The following ARFGEF3 variants were observed in gnomAD, a reference collection of about 807,000 sequenced individuals.
ARFGEF3 encodes brefeldin A-inhibited guanine nucleotide-exchange protein 3.
Under a neutral mutation model 221.7 loss-of-function variants are expected in ARFGEF3, and 96 were observed. The observed-to-expected ratio is 0.43, with a 90% CI of 0.37 to 0.51. The LOEUF (loss-of-function observed/expected upper bound fraction) is 0.51, where lower values mean the gene tolerates loss of function less well. Among genes scored for constraint, ARFGEF3 ranks in the 20% least tolerant of loss-of-function variants. The pLI, the probability that ARFGEF3 is intolerant of heterozygous loss-of-function variation, is 0.00. For synonymous variants in ARFGEF3, 1,145 were observed against 1,126.8 expected, an observed-to-expected ratio of 1.02 and a Z score of -0.32; for missense variants, 2,410 against 2,789.9, an observed-to-expected ratio of 0.86 and a Z score of 3.07.
chr6:138,246,446 C>T (rs574261542), intron 8 of ARFGEF3, among the ~76,000 whole-genome samples: 1 of 152,332 alleles, frequency 6.6e-6, no homozygotes, highest in South Asian at 2.1e-4. Flanking sequence ...AGAATGAGGA[C>T]TCTCACTTTG....
intron 4 of ARFGEF3, among the ~76,000 whole-genome samples, chr6:138,223,668 T>C (rs901322238): frequency 6.6e-6 from 1 of 152,184 alleles, no homozygotes; most frequent in African/African-American, 2.4e-5. Context: ...TAGGGGTAGG[T>C]TGACTCCCCA....
intron 2 of ARFGEF3, among the ~76,000 whole-genome samples, chr6:138,178,157 G>T (rs1776992797): frequency 6.6e-6 from 1 of 152,180 alleles, no homozygotes; most frequent in South Asian, 2.1e-4. Flanking sequence ...CTATGATGTT[G>T]GTCGGCTAGG....
chr6:138,322,391 G>T (rs113787482), intron 29 of ARFGEF3, among the ~76,000 whole-genome samples: 6,246 of 152,088 alleles, frequency 0.041, 369 homozygotes, highest in African/African-American at 0.14. Flanking sequence ...TACCTCTCAC[G>T]GGGTCCCTCC....
At chr6:138,309,457 G>C (rs1470638184) in intron 24 of ARFGEF3, among the ~76,000 whole-genome samples, 1 of 152,158 alleles carries the variant, frequency 6.6e-6, no homozygotes, top group Non-Finnish European at 1.5e-5. Context: ...AATTAAGCCT[G>C]GGGTAGGAGG....
intron 10 of ARFGEF3, among the ~76,000 whole-genome samples, chr6:138,260,215 G>A (rs1562370754): frequency 1.3e-5 from 2 of 152,172 alleles, no homozygotes; most frequent in Non-Finnish European, 2.9e-5. Flanking sequence ...CTTCGTTTAT[G>A]TTCCTTCCAG....
intron 17 of ARFGEF3, 47 bp from the exon 18 acceptor site, chr6:138,289,771 T>A (rs1779365051): frequency 1.3e-6 from 2 of 1,572,660 alleles, no homozygotes; most frequent in Non-Finnish European, 1.7e-6. Flanking sequence ...ATTCTTTCTG[T>A]CTCCCTTACT....
chr6:138,209,939 C>T lies in ARFGEF3; in HGVS notation c.249C>T (p.Ser83=). 1.2e-6 allele frequency: 2 copies of T among 1,613,718 alleles called. No individual in the cohort carries two copies. Among genetic ancestry groups the T allele is most frequent in the Non-Finnish European group, 1.7e-6 (2 of 1,179,738 alleles). The part of the protein sequence containing the change: ...QKLLSEERFV[S]METDSDEKQL... ...TTCTGTCGGAAGAGAGGTTTGTATC[C>T]ATGGAAACAGATTCTGATGAGAAGC... The change falls in exon 4 of 34, where the codon TCC becomes TCT. Residue 83 remains serine, a synonymous_variant. Transcript: ENST00000251691.
At chr6:138,164,301 C>T (rs1776678140) in intron 1 of ARFGEF3, among the ~76,000 whole-genome samples, 1 of 152,204 alleles carries the variant, frequency 6.6e-6, no homozygotes, top group Non-Finnish European at 1.5e-5. Context: ...CTGTTCTTGT[C>T]ACTCCCCAAC....
intron 4 of ARFGEF3, among the ~76,000 whole-genome samples, chr6:138,225,115 G>A (rs1778058479): frequency 6.6e-6 from 1 of 152,108 alleles, no homozygotes; most frequent in Non-Finnish European, 1.5e-5. Flanking sequence ...TCATTGCCAC[G>A]GGAACAACTA....
chr6:138,289,770 G>A, intron 17 of ARFGEF3, 48 bp from the exon 18 acceptor site: 1 of 1,570,500 alleles, frequency 6.4e-7, no homozygotes, highest in Admixed American at 1.8e-5. Context: ...CATTCTTTCT[G>A]TCTCCCTTAC....
Position 138,289,850 on chromosome 6 carries a change from A to T in ARFGEF3, c.2929A>T (p.Ile977Phe), listed in dbSNP as rs750608642. ...KLKVEQKLEQ[I>F]GKVQGVWLHT... Reference sequence around the variant, plus strand: ...AAAAGTGGAGCAGAAACTGGAGCAGATTGGGAAGGTGCAGGGGGTGTGGCT... The same window carrying T: ...AAAAGTGGAGCAGAAACTGGAGCAGTTTGGGAAGGTGCAGGGGGTGTGGCT... Residue 977 changes from isoleucine (I) to phenylalanine (F), a missense_variant, in exon 18 of 34, where the codon ATT becomes TTT. Transcript: ENST00000251691. 9.3e-6 allele frequency: 15 copies of T among 1,613,796 alleles called. No individual in the cohort carries two copies. In the South Asian group the frequency reaches 1.6e-4, roughly 18 times the overall value.
rs1437746676 is a variant in ARFGEF3, at chr6:138,243,009, T to C, written c.586+15T>C. The C allele has an allele frequency of 6.2e-7, 1 of 1,607,544 alleles. No individual in the cohort carries two copies. The highest frequency in any genetic ancestry group is 8.5e-7 in the Non-Finnish European group (1 of 1,175,206). On this transcript the variant is annotated intron_variant, in intron 7 of 33. Coordinates refer to ENST00000251691, the MANE Select transcript of ARFGEF3 (RefSeq NM_020340.5). Reference sequence around the variant, plus strand: ...CGGGAATCAAGGTATGGCATTTGATTTGTACTAGTTCAGTTTTTAAAGCAG... The same window carrying C: ...CGGGAATCAAGGTATGGCATTTGATCTGTACTAGTTCAGTTTTTAAAGCAG...
At chr6:138,264,351 G>T (rs1778847485) in intron 12 of ARFGEF3, among the ~76,000 whole-genome samples, 1 of 152,176 alleles carries the variant, frequency 6.6e-6, no homozygotes, top group Non-Finnish European at 1.5e-5. Context: ...AGATAATACA[G>T]AAAGAAATAA....
chr6:138,259,165 G>T (rs921442658), intron 10 of ARFGEF3, among the ~76,000 whole-genome samples: 1 of 152,210 alleles, frequency 6.6e-6, no homozygotes, highest in African/African-American at 2.4e-5. Flanking sequence ...GTTTGGGAAA[G>T]TTGGTAACCT....
intron 2 of ARFGEF3, among the ~76,000 whole-genome samples, chr6:138,206,354 T>A (rs1777624967): frequency 6.6e-6 from 1 of 151,914 alleles, no homozygotes. Context: ...TTTTTTTTTT[T>A]TTTTGTCTCT....
chr6:138,314,218 G>A (rs1025084940), intron 26 of ARFGEF3, among the ~76,000 whole-genome samples: 2 of 152,158 alleles, frequency 1.3e-5, no homozygotes, highest in Non-Finnish European at 2.9e-5. Flanking sequence ...GGGTGGTGGG[G>A]AGAGGCAGGG....
chr6:138,210,106 T>G lies in ARFGEF3; in HGVS notation c.351+65T>G, dbSNP rs1411612562. 3 of 1,541,248 alleles carry G rather than the reference T, an allele frequency of 1.9e-6. No homozygotes were observed. The African/African-American group carries it at 4.1e-5, about 21-fold the overall frequency. ...GGAACACATCCTGATCCCCTGCACT[T>G]GTTATCTGAAAATGCCTCTGCGTTG... On this transcript the variant is annotated intron_variant, in intron 4 of 33. Coordinates refer to ENST00000251691, the MANE Select transcript of ARFGEF3 (RefSeq NM_020340.5).
At chr6:138,309,436 A>T (rs914922053) in intron 24 of ARFGEF3, among the ~76,000 whole-genome samples, 1 of 152,206 alleles carries the variant, frequency 6.6e-6, no homozygotes, top group Non-Finnish European at 1.5e-5. Context: ...TAGAAAATAT[A>T]TTTTATAATT....
At chr6:138,293,269 G>A (rs1037336981) in intron 19 of ARFGEF3, among the ~76,000 whole-genome samples, 2 of 152,144 alleles carry the variant, frequency 1.3e-5, no homozygotes, top group African/African-American at 4.8e-5. Context: ...GCTCGTTGTG[G>A]CCTCATAAAA....
Sources: allele counts gnomAD v4.1 joint callset (sites outside exome capture counted in the v4.1 genomes callset), GRCh38; gene constraint gnomAD v4.1.1; transcripts MANE v1.5; gene names NCBI Gene and HGNC (gene_info 2026-07-23, HGNC 2026-07-21).